DACH2: variants seen among roughly 807,000 people sequenced by gnomAD.
The protein encoded by DACH2 is dachshund family transcription factor 2, also known as dachshund homolog 2.
Under a neutral mutation model 35.8 loss-of-function variants are expected in DACH2, and 17 were observed. The observed-to-expected ratio is 0.48, with a 90% CI of 0.33 to 0.71. The LOEUF is 0.71. Among genes scored for constraint, DACH2 ranks in the 30% least tolerant of loss-of-function variants. DACH2 has a pLI of 0.02. For missense variants in DACH2, 469 were observed against 472.7 expected (o/e 0.99, Z 0.07); for synonymous variants, 195 against 177.3 (o/e 1.10, Z -0.79).
At chrX:86,404,959 C>T (rs1050373781) in intron 2 of DACH2, among the ~76,000 whole-genome samples, 3 of 112,457 alleles carry the variant, frequency 2.7e-5, no homozygotes, top group African/African-American at 9.7e-5. Context: ...TTGGGGCTTG[C>T]ACCCTCTGAA....
chrX:86,455,973 G>C (rs1444542618), intron 2 of DACH2, among the ~76,000 whole-genome samples: 1 of 112,070 alleles, frequency 8.9e-6, no homozygotes, highest in Admixed American at 9.4e-5. Context: ...TGATGGCATA[G>C]GCTCATGAGG....
intron 1 of DACH2, among the ~76,000 whole-genome samples, chrX:86,185,497 CT>C (rs1471029727): frequency 1.8e-5 from 2 of 111,268 alleles, no homozygotes; most frequent in African/African-American, 6.5e-5. Context: ...AAGAATATGC[CT>C]TTTAGTTTGC....
chrX:86,420,445 A>G (rs2036782746), intron 2 of DACH2, among the ~76,000 whole-genome samples: 2 of 111,782 alleles, frequency 1.8e-5, no homozygotes, highest in Non-Finnish European at 3.8e-5. Context: ...GCATCTTTAG[A>G]GAGGGCTTTG....
At chrX:86,383,663 G>T (rs1417008057) in intron 2 of DACH2, among the ~76,000 whole-genome samples, 2 of 104,556 alleles carry the variant, frequency 1.9e-5, no homozygotes, top group African/African-American at 7.0e-5. Flanking sequence ...TGAACCTTGA[G>T]CAAGTCATTT....
At chrX:86,371,006 A>T (rs1027181196) in intron 1 of DACH2, among the ~76,000 whole-genome samples, 2 of 111,326 alleles carry the variant, frequency 1.8e-5, no homozygotes, top group East Asian at 2.8e-4. Flanking sequence ...GTGAACAGTA[A>T]TCCTATTTTT....
intron 2 of DACH2, among the ~76,000 whole-genome samples, chrX:86,424,715 T>A (rs918533328): frequency 1.2e-4 from 13 of 111,814 alleles, no homozygotes; most frequent in African/African-American, 3.9e-4. Flanking sequence ...TCCAGTACTA[T>A]GTTGAATAAC....
At chrX:86,426,663 C>T (rs1339258351) in intron 2 of DACH2, among the ~76,000 whole-genome samples, 1 of 111,012 alleles carries the variant, frequency 9.0e-6, no homozygotes. Context: ...GGATAATTTC[C>T]CATCATCATA....
intron 3 of DACH2, among the ~76,000 whole-genome samples, chrX:86,589,658 T>A (rs1325138975): frequency 9.0e-6 from 1 of 111,710 alleles, no homozygotes; most frequent in Non-Finnish European, 1.9e-5. Flanking sequence ...ATTATAATAT[T>A]ACAGAGAATA....
intron 1 of DACH2, among the ~76,000 whole-genome samples, chrX:86,187,691 G>T (rs768627956): frequency 9.0e-6 from 1 of 111,149 alleles, no homozygotes; most frequent in Non-Finnish European, 1.9e-5. Context: ...CTCCCAAAGC[G>T]CTGAGATTAC....
intron 1 of DACH2, among the ~76,000 whole-genome samples, chrX:86,231,737 C>T (rs758073618): frequency 8.0e-5 from 9 of 112,260 alleles, no homozygotes; most frequent in Non-Finnish European, 1.7e-4. Flanking sequence ...CACACCCTCC[C>T]CTGAGTTCTG....
At chrX:86,189,348 A>G (rs1348212651) in intron 1 of DACH2, among the ~76,000 whole-genome samples, 2 of 111,938 alleles carry the variant, frequency 1.8e-5, no homozygotes, top group Non-Finnish European at 3.8e-5. Context: ...AATAAGTAGG[A>G]AGAAGATAGT....
intron 1 of DACH2, among the ~76,000 whole-genome samples, chrX:86,258,610 G>A (rs1027782097): frequency 2.7e-5 from 3 of 111,562 alleles, no homozygotes; most frequent in Non-Finnish European, 3.8e-5. Flanking sequence ...AGAAACTCAC[G>A]TTAGAAATAT....
chrX:86,270,146 G>C (rs764504954), intron 1 of DACH2, among the ~76,000 whole-genome samples: 1 of 106,557 alleles, frequency 9.4e-6, no homozygotes, highest in Non-Finnish European at 1.9e-5. Flanking sequence ...CATGCAGATT[G>C]TAGAAATCCA....
At chrX:86,442,643 ATCTCCCCAAGTTTTCTT>A (rs2148185491) in intron 2 of DACH2, among the ~76,000 whole-genome samples, 1 of 36,028 alleles carries the variant, frequency 2.8e-5, no homozygotes, top group African/African-American at 2.2e-4. Context: ...GTCATGAAGC[ATCTCCCCAAGTTTTCTT>A]CTGGGAGTTT....
chrX:86,816,754 T>A (rs1209536537), intron 11 of DACH2, among the ~76,000 whole-genome samples: 1 of 111,800 alleles, frequency 8.9e-6, no homozygotes, highest in African/African-American at 3.2e-5. Context: ...TAAAAATGAG[T>A]TAAATGTGAC....
At chrX:86,408,495 C>G (rs1054636515) in intron 2 of DACH2, among the ~76,000 whole-genome samples, 1 of 111,810 alleles carries the variant, frequency 8.9e-6, no homozygotes, top group African/African-American at 3.2e-5. Context: ...ACTGTTGTTT[C>G]TCTTACGAGT....
intron 1 of DACH2, among the ~76,000 whole-genome samples, chrX:86,316,067 C>G (rs1403591844): frequency 9.0e-6 from 1 of 110,927 alleles, no homozygotes; most frequent in East Asian, 2.9e-4. Context: ...AGCTCTCACC[C>G]TGTTCCTTGA....
chrX:86,233,464 C>G lies in DACH2; in HGVS notation c.488+84356C>G, dbSNP rs191137625. 3.6e-5 allele frequency among the ~76,000 whole-genome samples: 4 copies of G among 112,039 alleles called. No homozygotes were observed. The East Asian group carries it at 1.1e-3, about 32-fold the overall frequency. ...AATTTTGAACTATTTTCAGAGTTAC[C>G]AAGAATGCAACTCTTTTGGACCATC... On this transcript the variant is annotated intron_variant, in intron 1 of 11. Transcript: ENST00000373125.
At chrX:86,215,792 T>G (rs2032557137) in intron 1 of DACH2, among the ~76,000 whole-genome samples, 1 of 111,974 alleles carries the variant, frequency 8.9e-6, no homozygotes, top group Admixed American at 9.5e-5. Context: ...GGATACAGAA[T>G]TACCCAAATT....
Sources: gnomAD v4.1 joint callset for allele counts (sites outside exome capture counted in the v4.1 genomes callset) on GRCh38, gnomAD v4.1.1 for gene constraint, MANE v1.5 for transcripts, NCBI Gene and HGNC (gene_info 2026-07-23, HGNC 2026-07-21) for gene names.